PRKCZ: variants seen among roughly 807,000 people sequenced by gnomAD.
The protein encoded by PRKCZ is protein kinase C zeta type.
A neutral mutation model predicts 79.5 loss-of-function variants in PRKCZ; 33 were observed. That is an observed-to-expected ratio of 0.41 (90% CI 0.31 to 0.55). PRKCZ has a LOEUF of 0.55. Ranked by LOEUF, PRKCZ falls within the 20% of genes least tolerant of loss-of-function variation. PRKCZ has a pLI of 0.19. For synonymous variants in PRKCZ, 342 were observed against 320.9 expected (o/e 1.07, Z -0.70); for missense variants, 578 against 813.5 (o/e 0.71, Z 3.52).
At chr1:2,121,775 C>T (rs1672114402) in intron 4 of PRKCZ, among the ~76,000 whole-genome samples, 1 of 47,808 alleles carries the variant, frequency 2.1e-5, no homozygotes, top group Non-Finnish European at 3.7e-5. Flanking sequence ...TGGTTAGGGT[C>T]ACGGTGGTGG....
intron 16 of PRKCZ, among the ~76,000 whole-genome samples, chr1:2,176,274 G>T (rs1445780797): frequency 1.3e-5 from 2 of 152,222 alleles, no homozygotes; most frequent in Admixed American, 6.5e-5. Flanking sequence ...TCTGCGTGCA[G>T]GGGGTTTTGC....
intron 9 of PRKCZ, among the ~76,000 whole-genome samples, chr1:2,155,724 T>TAGTGGGG (rs1334499134): frequency 2.8e-5 from 4 of 142,990 alleles, no homozygotes; most frequent in Admixed American, 2.8e-4. Context: ...GTGACGATGA[T>TAGTGGGG]AGTGGGGGGT....
chr1:2,069,150 C>T (rs892977941), intron 4 of PRKCZ, among the ~76,000 whole-genome samples: 2 of 152,230 alleles, frequency 1.3e-5, no homozygotes, highest in Non-Finnish European at 2.9e-5. Context: ...ATGCGACCCC[C>T]GGCACCTCCG....
rs371463098 is a variant in PRKCZ at position 2,121,467 on chromosome 1, T to C, written c.335-13795T>C. 0.01 allele frequency among the ~76,000 whole-genome samples: 675 copies of C among 64,584 alleles called. 12 individuals carry two copies. In the East Asian group the frequency reaches 0.15, roughly 14 times the overall value. The allele number at this position is 64,584 out of a possible 152,430, so 42.4% of individuals were successfully genotyped here. A position where few individuals can be genotyped will look rare whatever the true frequency, so the allele number is the denominator to read the frequency against. On this transcript the variant is annotated intron_variant, in intron 4 of 17. Transcript: ENST00000378567. ...TCATGGCGGTAGTTAGTTAGAGTCA[T>C]GGCGGTAGTTAGTTAGGGTCACGGT...
chr1:2,061,362 G>A (rs1433222256), intron 4 of PRKCZ, among the ~76,000 whole-genome samples: 1 of 151,950 alleles, frequency 6.6e-6, no homozygotes, highest in Non-Finnish European at 1.5e-5. Context: ...CCTTGCGTAG[G>A]GAAGGGAGGC....
At chr1:2,176,231 G>T (rs1463877082) in intron 16 of PRKCZ, among the ~76,000 whole-genome samples, 1 of 152,192 alleles carries the variant, frequency 6.6e-6, no homozygotes, top group Non-Finnish European at 1.5e-5. Flanking sequence ...AGCGGGCCAC[G>T]TGATCAGGAG....
intron 4 of PRKCZ, among the ~76,000 whole-genome samples, chr1:2,105,745 AAGT>A (rs1668285185): frequency 6.6e-6 from 1 of 152,122 alleles, no homozygotes; most frequent in African/African-American, 2.4e-5. Context: ...ATTTGGGGTG[AAGT>A]AGTCACAGAG....
intron 6 of PRKCZ, 61 bp downstream of exon 6, chr1:2,144,402 C>T (rs1678057174): frequency 3.3e-6 from 5 of 1,534,404 alleles, no homozygotes; most frequent in Non-Finnish European, 4.4e-6. Context: ...TGGCAGCCAG[C>T]CCATTGTCCA....
intron 16 of PRKCZ, chr1:2,182,869 G>A (rs1322443725): frequency 6.5e-6 from 1 of 153,118 alleles, no homozygotes; most frequent in African/African-American, 2.4e-5. Context: ...TAGAGAGTGA[G>A]TGAGCCAGTG....
Position 2,055,567 on chromosome 1 carries a change from C to A in PRKCZ, c.193+5C>A. On this transcript the variant is annotated splice_donor_5th_base_variant and intron_variant, in intron 2 of 17. Transcript: ENST00000378567. ...TCAAGTGGGTGGACAGCGAAGGTAG[C>A]CCTTGTCCCATGTTGGCCAGAATCC... is the stretch of plus-strand genomic sequence containing the variant. The A allele has an allele frequency of 6.2e-7, 1 of 1,611,540 alleles. No individual in the cohort carries two copies. The highest frequency in any genetic ancestry group is 8.5e-7 in the Non-Finnish European group (1 of 1,178,704).
At chr1:2,113,082 C>T (rs1217874709) in intron 4 of PRKCZ, among the ~76,000 whole-genome samples, 3 of 152,212 alleles carry the variant, frequency 2.0e-5, no homozygotes, top group South Asian at 4.1e-4. Context: ...CGAGGCTGGC[C>T]GGGTCACCCA....
intron 9 of PRKCZ, among the ~76,000 whole-genome samples, chr1:2,154,912 T>C (rs1680625697): frequency 6.6e-6 from 1 of 152,216 alleles, no homozygotes; most frequent in Non-Finnish European, 1.5e-5. Context: ...TGTGGGCTTA[T>C]CACTCGGTAG....
At chr1:2,153,156 C>T (rs773962399) in intron 9 of PRKCZ, among the ~76,000 whole-genome samples, 29 of 152,238 alleles carry the variant, frequency 1.9e-4, no homozygotes, top group Non-Finnish European at 3.7e-4. Context: ...TTGTGATGAT[C>T]GCTATCCTGG....
chr1:2,137,313 G>A (rs1274067811), intron 5 of PRKCZ, among the ~76,000 whole-genome samples: 1 of 152,126 alleles, frequency 6.6e-6, no homozygotes, highest in Non-Finnish European at 1.5e-5. Flanking sequence ...CTGATTGGAC[G>A]CCACCGCCCA....
chr1:2,071,129 G>A (rs1283437385), intron 4 of PRKCZ, among the ~76,000 whole-genome samples: 10 of 151,948 alleles, frequency 6.6e-5, no homozygotes, highest in Non-Finnish European at 1.3e-4. Flanking sequence ...AAACCCCACC[G>A]GCAGGGAGCC....
intron 4 of PRKCZ, among the ~76,000 whole-genome samples, chr1:2,064,119 T>C (rs945719476): frequency 5.9e-5 from 9 of 152,226 alleles, no homozygotes; most frequent in African/African-American, 1.9e-4. Context: ...AATGCTGGGA[T>C]TATAGGCGTG....
intron 11 of PRKCZ, among the ~76,000 whole-genome samples, chr1:2,170,448 T>C (rs1684206367): frequency 6.6e-6 from 1 of 152,160 alleles, no homozygotes. Flanking sequence ...AGGCAATAAA[T>C]CTAGAACAGT....
intron 5 of PRKCZ, among the ~76,000 whole-genome samples, chr1:2,138,415 A>G (rs1676660713): frequency 6.6e-6 from 1 of 152,174 alleles, no homozygotes; most frequent in East Asian, 1.9e-4. Context: ...TGCCTCCTCC[A>G]TGAAGGATGG....
chr1:2,124,390 G>T (rs77206688), intron 4 of PRKCZ, among the ~76,000 whole-genome samples: 3 of 113,074 alleles, frequency 2.7e-5, no homozygotes, highest in South Asian at 3.0e-4. Context: ...GGGTCACGGC[G>T]GTGGTTAGGG....
Sources: gnomAD v4.1 joint callset for allele counts (sites outside exome capture counted in the v4.1 genomes callset) on GRCh38, gnomAD v4.1.1 for gene constraint, MANE v1.5 for transcripts, NCBI Gene and HGNC (gene_info 2026-07-23, HGNC 2026-07-21) for gene names.